VIPR1: variants seen among roughly 807,000 people sequenced by gnomAD.
VIPR1 encodes the protein vasoactive intestinal peptide receptor 1.
A neutral mutation model predicts 58.8 loss-of-function variants in VIPR1; 59 were observed. The ratio of observed to expected loss-of-function variants is 1.00; its 90% CI spans 0.81 to 1.25. The LOEUF is 1.25. VIPR1 is among the 50% of genes most tolerant of loss of function. The probability of loss-of-function intolerance (pLI) is 0.00; values close to 1 mark genes in which losing one functional copy is unlikely to be tolerated. For missense variants in VIPR1, 626 were observed against 602.7 expected (o/e 1.04, Z -0.40); for synonymous variants, 251 against 242.1 (o/e 1.04, Z -0.34).
chr3:42,524,891 G>A (rs1421748909), intron 3 of VIPR1, among the ~76,000 whole-genome samples: 1 of 152,150 alleles, frequency 6.6e-6, no homozygotes, highest in Non-Finnish European at 1.5e-5. Context: ...CTGTGAAATG[G>A]AGTTAACTTC....
At chr3:42,522,096 TATATA>T (rs1490943208) in intron 3 of VIPR1, among the ~76,000 whole-genome samples, 1 of 48,170 alleles carries the variant, frequency 2.1e-5, no homozygotes, top group African/African-American at 1.3e-4. Context: ...TATATATATA[TATATA>T]TTTTTTTTTT....
At chr3:42,510,462 G>T (rs1700308130) in intron 1 of VIPR1, among the ~76,000 whole-genome samples, 1 of 152,172 alleles carries the variant, frequency 6.6e-6, no homozygotes, top group African/African-American at 2.4e-5. Context: ...AAATAAGTGG[G>T]AGAGGAAGTC....
Position 42,511,299 on chromosome 3 carries a change from T to C in VIPR1, c.79-2450T>C, listed in dbSNP as rs985918308. 4.6e-5 allele frequency among the ~76,000 whole-genome samples: 7 copies of C among 152,306 alleles called. No homozygotes were observed. In the East Asian group the frequency reaches 1.2e-3, roughly 25 times the overall value. ...CCCTTGCTTCCTTTAAGGTTTCCAG[T>C]CCAGTGGGGAAAAACCAAATTCACT... On this transcript the variant is annotated intron_variant, in intron 1 of 12. Transcript: ENST00000325123.
chr3:42,504,730 C>T (rs954365643), intron 1 of VIPR1, among the ~76,000 whole-genome samples: 3 of 140,342 alleles, frequency 2.1e-5, no homozygotes, highest in African/African-American at 7.8e-5. Context: ...ATGGGGCAAA[C>T]CTGCTCTAGC....
intron 1 of VIPR1, among the ~76,000 whole-genome samples, 199 bp downstream of exon 1, chr3:42,503,012 A>C (rs1356821189): frequency 6.6e-6 from 1 of 152,198 alleles, no homozygotes; most frequent in African/African-American, 2.4e-5. Flanking sequence ...GGTCGTGCCC[A>C]GTCCCTCCCA....
intron 1 of VIPR1, chr3:42,509,293 C>T (rs549338682): frequency 6.6e-5 from 10 of 152,358 alleles, no homozygotes; most frequent in African/African-American, 2.4e-4. Flanking sequence ...GTTCTCTGGC[C>T]CCAGATGATG....
At chr3:42,489,531 G>A (rs1249931919) in exon 1 of VIPR1, 1 of 152,290 alleles carries the variant, frequency 6.6e-6, no homozygotes, top group Non-Finnish European at 1.5e-5. Flanking sequence ...CAATCAGAAG[G>A]GCACTGGATG....
upstream of VIPR1, among the ~76,000 whole-genome samples, chr3:42,502,420 A>C (rs1021828729): frequency 6.6e-6 from 1 of 152,212 alleles, no homozygotes; most frequent in Non-Finnish European, 1.5e-5. Context: ...GGAGGGGCGA[A>C]GGCCTATAAA....
intron 2 of VIPR1, among the ~76,000 whole-genome samples, chr3:42,514,305 C>A (rs955268128): frequency 1.3e-5 from 2 of 152,066 alleles, no homozygotes; most frequent in Admixed American, 6.5e-5. Flanking sequence ...GAACATTGTA[C>A]TGTTAGCATC....
Position 42,531,792 on chromosome 3 carries a change from G to T in VIPR1, c.852-11G>T, listed in dbSNP as rs138202908. ...GACAATCCCTCTCATTCCTCCCCACGGTCTGCTCAGGTGCTGGGACACCAT... is the reference window on the plus strand; with the variant it reads ...GACAATCCCTCTCATTCCTCCCCACTGTCTGCTCAGGTGCTGGGACACCAT... On this transcript the variant is annotated splice_polypyrimidine_tract_variant and intron_variant, in intron 8 of 12. Coordinates refer to ENST00000325123, the MANE Select transcript of VIPR1 (RefSeq NM_004624.4). The T allele has an allele frequency of 1.2e-3, 1,942 of 1,614,010 alleles. 24 individuals are homozygous for T. The African/African-American group carries it at 0.023, about 19-fold the overall frequency.
chr3:42,494,096 C>A (rs1350900186), intron 1 of VIPR1, among the ~76,000 whole-genome samples: 2 of 152,236 alleles, frequency 1.3e-5, no homozygotes, highest in Admixed American at 6.5e-5. Context: ...AGTGGGGCAG[C>A]CGTGGTTTGT....
At chr3:42,528,913 G>A (rs1028008002) in intron 6 of VIPR1, among the ~76,000 whole-genome samples, 1 of 152,140 alleles carries the variant, frequency 6.6e-6, no homozygotes, top group Non-Finnish European at 1.5e-5. Context: ...TGGAATCTCA[G>A]GCATTTCAAC....
rs1484101084 is a variant in VIPR1, at chr3:42,535,282, G to A, written c.1141-61G>A. ...GAACACAGGGGCTGGAGCCAGGGGT[G>A]GGGCAGGGCTGGGGGCTTCTGGTCT... On this transcript the variant is annotated intron_variant, in intron 11 of 12. Transcript: ENST00000325123. 12 of 1,604,412 alleles carry A rather than the reference G, an allele frequency of 7.5e-6. No individual in the cohort carries two copies. In the East Asian group the frequency reaches 2.0e-4, roughly 27 times the overall value.
At chr3:42,518,115 C>A (rs1700727293) in intron 2 of VIPR1, among the ~76,000 whole-genome samples, 1 of 151,930 alleles carries the variant, frequency 6.6e-6, no homozygotes, top group South Asian at 2.1e-4. Context: ...AATGTTCTAG[C>A]TATACTGTAA....
chr3:42,507,999 G>A (rs980174803), intron 1 of VIPR1: 6 of 151,738 alleles, frequency 4.0e-5, no homozygotes, highest in African/African-American at 1.5e-4. Flanking sequence ...GAGGCTTTGG[G>A]CTGTTGGCTA....
In VIPR1 at chr3:42,508,446, G is replaced by A. The variant is rs572588214; in HGVS notation, c.79-5303G>A. On this transcript the variant is annotated intron_variant, in intron 1 of 12. Coordinates refer to ENST00000325123, the MANE Select transcript of VIPR1 (RefSeq NM_004624.4). ...TACTACTTCCAGGGTGGGCGACGGC[G>A]TGTCACATGCTGCGCTGGGACTTTA... Among the ~76,000 whole-genome samples, 8 of 152,278 alleles carry A rather than the reference G, an allele frequency of 5.3e-5. No individual in the cohort carries two copies. In the East Asian group the frequency reaches 5.8e-4, roughly 11 times the overall value.
intron 5 of VIPR1, 171 bp downstream of exon 5, chr3:42,527,667 A>G: frequency 1.5e-6 from 1 of 687,690 alleles, no homozygotes; most frequent in Non-Finnish European, 2.5e-6. Context: ...CAGGTGGCTG[A>G]GCTCTTCCAT....
In VIPR1 at chr3:42,537,370, C is replaced by T. The variant is rs9677; in HGVS notation, c.*1089C>T. 0.39 allele frequency: 59,475 copies of T among 152,016 alleles called. 12,178 individuals are homozygous for T. The highest frequency in any genetic ancestry group is 0.53 in the Middle Eastern group (156 of 294). The allele number at this position is 152,016 out of a possible 1,614,324, so 9.4% of individuals were successfully genotyped here. The stretch of plus-strand genomic sequence containing the variant: ...ATTATTAATGCCATTATCCCTGAAT[C>T]CCCCTTGCCACCCCACCCTCCCTGG... On this transcript the variant is annotated 3_prime_UTR_variant, in exon 13 of 13. Coordinates refer to ENST00000325123, the MANE Select transcript of VIPR1 (RefSeq NM_004624.4).
At position 42,536,469 on chromosome 3, in the gene VIPR1, T is replaced by C. The variant is rs191587784; in HGVS notation, c.*188T>C. On this transcript the variant is annotated 3_prime_UTR_variant, in exon 13 of 13. Coordinates refer to ENST00000325123, the MANE Select transcript of VIPR1 (RefSeq NM_004624.4). Reference sequence around the variant, plus strand: ...CAGCCCTAGAGCCTGCCTGGAGCGTTTCTAGCAAGTGAGAGAGATGGGAGC... The same window carrying C: ...CAGCCCTAGAGCCTGCCTGGAGCGTCTCTAGCAAGTGAGAGAGATGGGAGC... 3 of 538,108 alleles carry C rather than the reference T, an allele frequency of 5.6e-6. No homozygotes were observed. The East Asian group carries it at 1.0e-4, about 19-fold the overall frequency. 33.3% of individuals were successfully genotyped at this position (538,108 alleles called of 1,614,324 possible).
Sources: allele counts gnomAD v4.1 joint callset (sites outside exome capture counted in the v4.1 genomes callset), GRCh38; gene constraint gnomAD v4.1.1; transcripts MANE v1.5; gene names NCBI Gene and HGNC (gene_info 2026-07-23, HGNC 2026-07-21).